KRT26: variants seen among roughly 807,000 people sequenced by gnomAD.
KRT26 encodes keratin, type I cytoskeletal 26.
In KRT26, 45 loss-of-function variants were observed where a neutral mutation model predicts 46.1. That is an observed-to-expected ratio of 0.98 (90% CI 0.77 to 1.25). The LOEUF is 1.25. KRT26 is among the 50% of genes most tolerant of loss of function. The probability of loss-of-function intolerance (pLI) is 0.00; values close to 1 mark genes in which losing one functional copy is unlikely to be tolerated. For synonymous variants in KRT26, 191 were observed against 209.9 expected (o/e 0.91, Z 0.78); for missense variants, 582 against 560.1 (o/e 1.04, Z -0.39).
chr17:40,771,757 G>C lies in KRT26; in HGVS notation c.357C>G (p.Tyr119Ter). ...GGGAAGAGCCAGGCTCACATTTCTCGTACCAGCCCTTGATCTTCTGCTCCA... is the reference window on the plus strand; with the variant it reads ...GGGAAGAGCCAGGCTCACATTTCTCCTACCAGCCCTTGATCTTCTGCTCCA... Residue 119 changes from tyrosine (Y) to a stop codon, truncating the protein, a stop_gained, in exon 1 of 8, where the codon TAC becomes TAG. Transcript: ENST00000335552. LOFTEE classifies it high-confidence loss of function. The C allele has an allele frequency of 6.2e-7, 1 of 1,614,098 alleles. No homozygotes were observed. The highest frequency in any genetic ancestry group is 1.1e-5 in the South Asian group (1 of 91,078).
At chr17:40,766,827 C>T (rs983758286) in intron 7 of KRT26, among the ~76,000 whole-genome samples, 161 bp from the exon 8 acceptor site, 5 of 152,086 alleles carry the variant, frequency 3.3e-5, no homozygotes, top group African/African-American at 1.2e-4. Flanking sequence ...GCAGCCTCTG[C>T]CTCCCGGGTT....
In KRT26 at chr17:40,770,243, G is replaced by T. The variant is rs780910387; in HGVS notation, c.681+10C>A. 2 of 1,614,080 alleles carry T rather than the reference G, an allele frequency of 1.2e-6. No homozygotes were observed. The highest frequency in any genetic ancestry group is 3.3e-5 in the Admixed American group (2 of 60,020). ...GAAACTGTATGAAGCCACTCTGCAG[G>T]CTTCCTTACCTCCTCATGACTTTTT... On this transcript the variant is annotated intron_variant, in intron 3 of 7. Transcript: ENST00000335552.
At chr17:40,768,203 C>T (rs997709661) in intron 6 of KRT26, among the ~76,000 whole-genome samples, 11 of 152,142 alleles carry the variant, frequency 7.2e-5, no homozygotes, top group Admixed American at 3.9e-4. Context: ...CCTCACTATG[C>T]GGCCATGGGC....
chr17:40,768,620 G>A (rs1231469092), intron 6 of KRT26, among the ~76,000 whole-genome samples: 2 of 152,130 alleles, frequency 1.3e-5, no homozygotes, highest in Non-Finnish European at 2.9e-5. Flanking sequence ...CCTTGAATTG[G>A]AGTACTGGAA....
chr17:40,769,723 T>C (rs2038202978), intron 5 of KRT26, 31 bp downstream of exon 5: 13 of 1,611,442 alleles, frequency 8.1e-6, no homozygotes, highest in Non-Finnish European at 1.1e-5. Flanking sequence ...TATTCACACA[T>C]ATATTCAATT....
rs200164642 is a variant in KRT26, at chr17:40,767,659, A to C, written c.1188-6T>G. 2 of 1,583,018 alleles carry C rather than the reference A, an allele frequency of 1.3e-6. No homozygotes were observed. Among genetic ancestry groups the C allele is most frequent in the South Asian group, 2.3e-5 (2 of 87,616 alleles). ...AACATGTGGATTTGCTTTTTCTGTG[A>C]AGAGAAGAGTAAATTATTGCATTTT... On this transcript the variant is annotated splice_region_variant and splice_polypyrimidine_tract_variant and intron_variant, in intron 6 of 7. Transcript: ENST00000335552.
chr17:40,770,060 T>C (rs754434725), exon 4 of KRT26: 5 of 1,614,174 alleles, frequency 3.1e-6, no homozygotes, highest in Non-Finnish European at 4.2e-6. Context: ...GGTCCACTCC[T>C]GGGGTTGCAT....
chr17:40,771,559 G>C, intron 1 of KRT26, 114 bp downstream of exon 1: 2 of 891,930 alleles, frequency 2.2e-6, no homozygotes, highest in Middle Eastern at 2.2e-4. Context: ...TGGAAATACA[G>C]AGTGAACAAA....
At chr17:40,769,570 A>G (rs1156861982) in intron 5 of KRT26, among the ~76,000 whole-genome samples, 184 bp downstream of exon 5, 1 of 152,214 alleles carries the variant, frequency 6.6e-6, no homozygotes, top group Non-Finnish European at 1.5e-5. Flanking sequence ...CTCTATTGTA[A>G]AAAGGCATTT....
Position 40,772,031 on chromosome 17 carries a change from A to T in KRT26, c.83T>A (p.Phe28Tyr), listed in dbSNP as rs762229574. ...TCCAACACACACATTCCCAGCCACG[A>T]AGCCTGTTCCTCCACCGGACAGCCT... Residue 28 changes from phenylalanine (F) to tyrosine (Y), a missense_variant, in exon 1 of 8, where the codon TTC becomes TAC. Coordinates refer to ENST00000335552, the Ensembl canonical transcript of KRT26. 32 of 1,614,024 alleles carry T rather than the reference A, an allele frequency of 2.0e-5. 1 individual carries two copies. Among genetic ancestry groups the T allele is most frequent in the Middle Eastern group, 1.6e-4 (1 of 6,084 alleles).
At chr17:40,767,773 T>C (rs2038183280) in intron 6 of KRT26, 120 bp from the exon 7 acceptor site, 1 of 566,090 alleles carries the variant, frequency 1.8e-6, no homozygotes, top group Non-Finnish European at 3.1e-6. Flanking sequence ...AAATTCCTTA[T>C]ATATTTAAAG....
At chr17:40,771,343 A>G in intron 1 of KRT26, 107 bp from the exon 2 acceptor site, 1 of 641,750 alleles carries the variant, frequency 1.6e-6, no homozygotes, top group Admixed American at 3.1e-5. Context: ...CTGTTTTAGT[A>G]TCTTTTTTCT....
At chr17:40,772,179 C>G, upstream of KRT26, 1 of 1,301,932 alleles carries the variant, frequency 7.7e-7, no homozygotes, top group South Asian at 1.3e-5. Context: ...ACCTTCCACA[C>G]TTGTTAGCTC....
At chr17:40,767,057 A>T (rs1034049846) in intron 7 of KRT26, among the ~76,000 whole-genome samples, 3 of 152,240 alleles carry the variant, frequency 2.0e-5, no homozygotes. Flanking sequence ...TTTGCTTTTT[A>T]AAAATGTTTT....
chr17:40,770,122 C>T (rs1430894575), exon 4 of KRT26: 1 of 1,614,156 alleles, frequency 6.2e-7, no homozygotes, highest in South Asian at 1.1e-5. Flanking sequence ...ACTTCCATTT[C>T]CTAGAAAAGG....
Position 40,770,249 on chromosome 17 carries a change from T to A in KRT26, c.681+4A>T, listed in dbSNP as rs1179429524. The A allele has an allele frequency of 6.2e-7, 1 of 1,614,080 alleles. No individual in the cohort carries two copies. The highest frequency in any genetic ancestry group is 1.3e-5 in the African/African-American group (1 of 74,922). On this transcript the variant is annotated splice_donor_region_variant and intron_variant, in intron 3 of 7. Coordinates refer to ENST00000335552, the Ensembl canonical transcript of KRT26. ...GTATGAAGCCACTCTGCAGGCTTCC[T>A]TACCTCCTCATGACTTTTTTTGAGG...
chr17:40,771,381 GATA>G lies in KRT26; in HGVS notation c.442-148_442-146del, dbSNP rs2144148518. On this transcript the variant is annotated intron_variant, in intron 1 of 7. Coordinates refer to ENST00000335552, the Ensembl canonical transcript of KRT26. The stretch of plus-strand genomic sequence containing the variant: ...GTTAAAGAAATCTGGATTTTCTTCA[GATA>G]ATAAGCATCCAGAGCTTAAGAGCCA... 6.7e-6 allele frequency: 4 copies of G among 599,034 alleles called. No individual in the cohort carries two copies. In the East Asian group the frequency reaches 8.5e-5, roughly 13 times the overall value. The allele number at this position is 599,034 out of a possible 1,614,324, so 37.1% of individuals were successfully genotyped here. A position where few individuals can be genotyped will look rare whatever the true frequency, so the allele number is the denominator to read the frequency against.
exon 8 of KRT26, chr17:40,766,484 CT>C (rs780161086): frequency 1.3e-6 from 2 of 1,505,292 alleles, no homozygotes; most frequent in Non-Finnish European, 1.8e-6. Flanking sequence ...CTCTCTCTTT[CT>C]TTCTTTCTTT....
At chr17:40,767,502 T>C (rs2038181071) in intron 7 of KRT26, 84 bp downstream of exon 7, 2 of 779,774 alleles carry the variant, frequency 2.6e-6, no homozygotes, top group Admixed American at 5.5e-5. Flanking sequence ...AAACAAATTT[T>C]ATTTAGTTAA....
Sources: gnomAD v4.1 joint callset for allele counts (sites outside exome capture counted in the v4.1 genomes callset) on GRCh38, gnomAD v4.1.1 for gene constraint, MANE v1.5 for transcripts, NCBI Gene and HGNC (gene_info 2026-07-23, HGNC 2026-07-21) for gene names.